The following ROBO1 variants were observed in gnomAD, a reference collection of about 807,000 sequenced individuals.
ROBO1 encodes the protein roundabout homolog 1.
In ROBO1, 149 loss-of-function variants were observed where a neutral mutation model predicts 195.9. That is an observed-to-expected ratio of 0.76 (90% confidence interval 0.67 to 0.87). The LOEUF (loss-of-function observed/expected upper bound fraction) is 0.87, where lower values mean the gene tolerates loss of function less well. ROBO1 is among the 40% of genes least tolerant of loss of function. The pLI, the probability that ROBO1 is intolerant of heterozygous loss-of-function variation, is 0.00. For synonymous variants in ROBO1, 816 were observed against 733.2 expected (o/e 1.11, Z -1.82); for missense variants, 1,933 against 2,068.3 (o/e 0.93, Z 1.27).
At chr3:79,363,973 G>C (rs61507491) in intron 2 of ROBO1, among the ~76,000 whole-genome samples, 3 of 152,090 alleles carry the variant, frequency 2.0e-5, no homozygotes, top group African/African-American at 7.2e-5. Context: ...GGGAGGCTGA[G>C]GCGGGTGGAT....
At chr3:79,008,101 C>G (rs2077669132) in intron 3 of ROBO1, among the ~76,000 whole-genome samples, 1 of 152,130 alleles carries the variant, frequency 6.6e-6, no homozygotes. Flanking sequence ...CCTACTTATT[C>G]CAGGAAGAGT....
At chr3:79,696,958 G>A (rs577117741) in intron 1 of ROBO1, among the ~76,000 whole-genome samples, 1 of 151,428 alleles carries the variant, frequency 6.6e-6, no homozygotes, top group Admixed American at 6.6e-5. Flanking sequence ...TAAATATATT[G>A]TCTCAAAAAG....
intron 5 of ROBO1, among the ~76,000 whole-genome samples, chr3:78,740,575 G>A (rs374901486): frequency 4.6e-5 from 7 of 151,528 alleles, no homozygotes; most frequent in East Asian, 3.9e-4. Context: ...AGGTTCAAGC[G>A]ACTGTCCTGT....
chr3:79,748,048 A>C (rs1351864757), intron 1 of ROBO1, among the ~76,000 whole-genome samples: 1 of 152,136 alleles, frequency 6.6e-6, no homozygotes, highest in African/African-American at 2.4e-5. Flanking sequence ...TAACCAAAAA[A>C]AAATACTACT....
At chr3:78,600,781 G>A (rs1412817236) in intron 29 of ROBO1, among the ~76,000 whole-genome samples, 2 of 152,044 alleles carry the variant, frequency 1.3e-5, no homozygotes, top group Admixed American at 6.5e-5. Context: ...GAAAACAGAT[G>A]AGATAATAAA....
intron 10 of ROBO1, among the ~76,000 whole-genome samples, chr3:78,674,176 C>A (rs1050508217): frequency 3.3e-5 from 5 of 152,100 alleles, no homozygotes; most frequent in Non-Finnish European, 7.3e-5. Context: ...GAAAGATGTT[C>A]AGTTAAATAG....
rs750375001 is a variant in ROBO1, at chr3:78,717,886, TA to T, written c.658-4del. On this transcript the variant is annotated splice_polypyrimidine_tract_variant and splice_region_variant and intron_variant, in intron 5 of 30. Transcript: ENST00000464233. ...ATCATGAGCTTTCCTCCTCGTATCT[TA>T]AAAAAAAAGTTTCACAGGAATACTA... 1.0e-4 allele frequency: 162 copies of T among 1,590,640 alleles called. No homozygotes were observed. Among genetic ancestry groups the T allele is most frequent in the Admixed American group, 3.1e-4 (18 of 58,224 alleles).
intron 24 of ROBO1, among the ~76,000 whole-genome samples, chr3:78,631,885 T>C (rs536793131): frequency 3.9e-5 from 6 of 152,360 alleles, no homozygotes; most frequent in Admixed American, 3.9e-4. Context: ...AGAAGTGTTT[T>C]CAGCCACTGT....
At position 79,338,298 on chromosome 3, in the gene ROBO1, C is replaced by A. The variant is rs2034763898; in HGVS notation, c.89-212759G>T. ...TCTCTTTTGCCTTTGTTAAACAGAACTAATCATGTTTTCAAAATAAATTTA... is the reference window on the plus strand; with the variant it reads ...TCTCTTTTGCCTTTGTTAAACAGAAATAATCATGTTTTCAAAATAAATTTA... On this transcript the variant is annotated intron_variant, in intron 2 of 30. Coordinates refer to ENST00000464233, the MANE Select transcript of ROBO1 (RefSeq NM_002941.4). Among the ~76,000 whole-genome samples, 7 of 152,266 alleles carry A rather than the reference C, an allele frequency of 4.6e-5. No homozygotes were observed. The South Asian group carries it at 1.5e-3, about 32-fold the overall frequency.
At chr3:78,948,859 C>T (rs1265549492) in intron 3 of ROBO1, among the ~76,000 whole-genome samples, 8 of 152,140 alleles carry the variant, frequency 5.3e-5, no homozygotes, top group African/African-American at 1.4e-4. Flanking sequence ...CATTCTTATA[C>T]GCCAATAACA....
At chr3:79,056,756 T>C (rs1252197100) in intron 3 of ROBO1, among the ~76,000 whole-genome samples, 1 of 152,048 alleles carries the variant, frequency 6.6e-6, no homozygotes, top group Non-Finnish European at 1.5e-5. Context: ...TACAGCTTTC[T>C]CAGCCTTTTC....
intron 1 of ROBO1, among the ~76,000 whole-genome samples, chr3:79,612,969 A>G (rs925301935): frequency 2.0e-5 from 3 of 151,724 alleles, no homozygotes; most frequent in African/African-American, 7.2e-5. Context: ...AAAATCATGT[A>G]GTACTACACA....
rs10651992 is a variant in ROBO1 at position 78,885,909 on chromosome 3, TTATATATATA to T, written c.499+52682_499+52691del. Among the ~76,000 whole-genome samples the T allele has an allele frequency of 2.2e-3, 256 of 117,746 alleles. 5 individuals are homozygous for T. In the East Asian group the frequency reaches 0.041, roughly 19 times the overall value. The allele number at this position is 117,746 out of a possible 152,430, so 77.2% of individuals were successfully genotyped here. On this transcript the variant is annotated intron_variant, in intron 4 of 30. Transcript: ENST00000464233. ...AGACCCTACTACTGATAGCAAAATT[TTATATATATA>T]TATATATATATATATATATATACAT... is the stretch of plus-strand genomic sequence containing the variant.
chr3:79,672,629 A>G (rs1477271639), intron 1 of ROBO1, among the ~76,000 whole-genome samples: 1 of 151,920 alleles, frequency 6.6e-6, no homozygotes, highest in Non-Finnish European at 1.5e-5. Context: ...TTGGGGGGAC[A>G]TAAGGATGCA....
intron 2 of ROBO1, among the ~76,000 whole-genome samples, chr3:79,224,149 TAGAC>T (rs1485891653): frequency 1.3e-5 from 2 of 152,082 alleles, no homozygotes; most frequent in African/African-American, 4.8e-5. Flanking sequence ...AAATTCTCAA[TAGAC>T]AGAAAAAAAG....
chr3:78,651,468 A>G (rs1406926406), intron 19 of ROBO1, among the ~76,000 whole-genome samples: 5 of 152,206 alleles, frequency 3.3e-5, no homozygotes, highest in African/African-American at 4.8e-5. Flanking sequence ...GGGAAAAGGT[A>G]TAACAGCCAA....
intron 2 of ROBO1, among the ~76,000 whole-genome samples, chr3:79,367,662 C>T (rs2036029317): frequency 6.6e-6 from 1 of 152,114 alleles, no homozygotes; most frequent in African/African-American, 2.4e-5. Flanking sequence ...AATAATAGTA[C>T]CTCCCTATTA....
At chr3:79,525,134 C>A (rs1253505831) in intron 2 of ROBO1, among the ~76,000 whole-genome samples, 2 of 151,362 alleles carry the variant, frequency 1.3e-5, no homozygotes, top group Non-Finnish European at 3.0e-5. Context: ...CACATTATCA[C>A]ATTATTCTGT....
intron 4 of ROBO1, among the ~76,000 whole-genome samples, chr3:78,852,821 G>C (rs2034152793): frequency 6.6e-6 from 1 of 152,046 alleles, no homozygotes; most frequent in Non-Finnish European, 1.5e-5. Flanking sequence ...AGTTTCAAAG[G>C]GATGAAGTAT....
Sources: gnomAD v4.1 joint callset for allele counts (sites outside exome capture counted in the v4.1 genomes callset) on GRCh38, gnomAD v4.1.1 for gene constraint, MANE v1.5 for transcripts, NCBI Gene and HGNC (gene_info 2026-07-23, HGNC 2026-07-21) for gene names.